Variants in METTL15 observed in about 807,000 individuals in gnomAD.
METTL15 encodes the protein methyltransferase 15, mitochondrial 12S rRNA N4-cytidine.
METTL15 carries 34 observed loss-of-function variants against 38.3 expected under a neutral mutation model. The observed-to-expected ratio is 0.89, with a 90% CI of 0.68 to 1.18. The LOEUF is 1.18. Ranked by LOEUF, METTL15 falls within the 50% of genes most tolerant of loss-of-function variation. METTL15 has a pLI of 0.00. For synonymous variants in METTL15, 162 were observed against 170.9 expected, an observed-to-expected ratio of 0.95 and a Z score of 0.41; for missense variants, 438 against 498.4, an observed-to-expected ratio of 0.88 and a Z score of 1.15.
chr11:28,304,523 C>T (rs73438525), intron 6 of METTL15, among the ~76,000 whole-genome samples: 356 of 152,152 alleles, frequency 2.3e-3, no homozygotes, highest in African/African-American at 8.1e-3. Context: ...CGAAACTGGC[C>T]TGTTCAACAT....
intron 6 of METTL15, among the ~76,000 whole-genome samples, chr11:28,453,791 G>T (rs1428355011): frequency 6.6e-6 from 1 of 152,168 alleles, no homozygotes; most frequent in African/African-American, 2.4e-5. Flanking sequence ...TACTACAGTT[G>T]ACTCTGGGAT....
At chr11:28,400,633 G>A (rs936894895) in intron 5 of METTL15, among the ~76,000 whole-genome samples, 1 of 151,920 alleles carries the variant, frequency 6.6e-6, no homozygotes, top group African/African-American at 2.4e-5. Context: ...TGACATTTCT[G>A]CATTCAGCTT....
At chr11:28,189,460 G>A (rs1851621284) in intron 3 of METTL15, among the ~76,000 whole-genome samples, 1 of 151,178 alleles carries the variant, frequency 6.6e-6, no homozygotes, top group Non-Finnish European at 1.5e-5. Flanking sequence ...AAGGATTTTA[G>A]CTAAAGCACT....
chr11:28,426,117 G>C (rs972696953), intron 6 of METTL15, among the ~76,000 whole-genome samples: 33 of 151,950 alleles, frequency 2.2e-4, no homozygotes, highest in African/African-American at 8.0e-4. Context: ...ACTCTGACAG[G>C]CCTCCAGTGT....
chr11:28,371,371 A>G (rs998274267), intron 5 of METTL15, among the ~76,000 whole-genome samples: 3 of 151,880 alleles, frequency 2.0e-5, no homozygotes, highest in Admixed American at 6.6e-5. Context: ...TACCTATTCT[A>G]TTCCTTTGGT....
intron 4 of METTL15, among the ~76,000 whole-genome samples, chr11:28,218,251 T>C (rs907799142): frequency 6.6e-6 from 1 of 152,180 alleles, no homozygotes; most frequent in East Asian, 1.9e-4. Flanking sequence ...TGGTTTGTAG[T>C]TGTCCTGGAA....
chr11:28,147,914 C>T (rs1290714730), intron 3 of METTL15, among the ~76,000 whole-genome samples: 1 of 151,758 alleles, frequency 6.6e-6, no homozygotes, highest in Non-Finnish European at 1.5e-5. Flanking sequence ...GAGTTTAATG[C>T]TCTATCTAAC....
At chr11:28,436,194 A>C (rs555371119) in intron 6 of METTL15, among the ~76,000 whole-genome samples, 2 of 152,186 alleles carry the variant, frequency 1.3e-5, no homozygotes, top group Non-Finnish European at 1.5e-5. Context: ...ATGGATCGCC[A>C]TTTCTCCAGT....
At chr11:28,335,922 A>G (rs1218359238), downstream of METTL15, among the ~76,000 whole-genome samples, 1 of 152,194 alleles carries the variant, frequency 6.6e-6, no homozygotes, top group East Asian at 1.9e-4. Context: ...AAATGGACTG[A>G]GACATGCATG....
At chr11:28,252,940 T>A (rs1395893321) in intron 4 of METTL15, among the ~76,000 whole-genome samples, 1 of 152,198 alleles carries the variant, frequency 6.6e-6, no homozygotes, top group Non-Finnish European at 1.5e-5. Context: ...TCTGGTCTTC[T>A]GTAACTTCAG....
intron 4 of METTL15, among the ~76,000 whole-genome samples, chr11:28,285,085 C>T (rs1165502729): frequency 6.6e-6 from 1 of 152,100 alleles, no homozygotes; most frequent in Admixed American, 6.6e-5. Flanking sequence ...CTTACTCCGT[C>T]CTCCCTCCCG....
chr11:28,375,581 C>T (rs1185909182), intron 5 of METTL15, among the ~76,000 whole-genome samples: 5 of 151,986 alleles, frequency 3.3e-5, no homozygotes, highest in Non-Finnish European at 5.9e-5. Context: ...GTCTTGCTGG[C>T]AGTCTATCAA....
intron 1 of METTL15, among the ~76,000 whole-genome samples, chr11:28,109,292 G>C (rs996700873): frequency 2.0e-5 from 3 of 152,182 alleles, no homozygotes; most frequent in African/African-American, 4.8e-5. Flanking sequence ...GCTGTATTAC[G>C]TGTATCTTAG....
chr11:28,454,738 T>A (rs1282536503), intron 6 of METTL15, among the ~76,000 whole-genome samples: 1 of 152,214 alleles, frequency 6.6e-6, no homozygotes, highest in Non-Finnish European at 1.5e-5. Flanking sequence ...ATTCTTTCCT[T>A]CTTCTTAAAT....
intron 5 of METTL15, among the ~76,000 whole-genome samples, chr11:28,372,467 T>C (rs1850254751): frequency 6.8e-6 from 1 of 148,146 alleles, no homozygotes; most frequent in East Asian, 1.9e-4. Flanking sequence ...TTTTTTTTTT[T>C]TCTCCATGCC....
chr11:28,363,171 T>G (rs1227590435), intron 5 of METTL15, among the ~76,000 whole-genome samples: 1 of 152,166 alleles, frequency 6.6e-6, no homozygotes, highest in Non-Finnish European at 1.5e-5. Context: ...CTTCTTCTTT[T>G]TTTTATTTTT....
Position 28,430,044 on chromosome 11 carries a change from C to G in METTL15, c.*424+5680C>G, listed in dbSNP as rs1359323867. ...GGATGTGAGGAGCGCCTCTGCCCGG[C>G]CGAGACCCCATCTGGGAGGTGAGGA... On this transcript the variant is annotated intron_variant and NMD_transcript_variant, in intron 6 of 7. Coordinates refer to the METTL15 transcript ENST00000532947. 4.5e-3 allele frequency among the ~76,000 whole-genome samples: 660 copies of G among 145,548 alleles called. 3 individuals carry two copies. Among genetic ancestry groups the G allele is most frequent in the Non-Finnish European group, 8.1e-3 (530 of 65,706 alleles).
chr11:28,404,228 C>G (rs1850655476), intron 5 of METTL15, among the ~76,000 whole-genome samples: 2 of 152,080 alleles, frequency 1.3e-5, no homozygotes, highest in Admixed American at 1.3e-4. Flanking sequence ...GAAATTGTTA[C>G]ACACAGTTCC....
intron 6 of METTL15, among the ~76,000 whole-genome samples, chr11:28,495,124 A>G (rs1351917773): frequency 2.6e-5 from 4 of 152,234 alleles, no homozygotes; most frequent in Admixed American, 2.6e-4. Flanking sequence ...TCAGAGATTC[A>G]AAGTGAAAAC....
Sources: gnomAD v4.1 joint callset for allele counts (sites outside exome capture counted in the v4.1 genomes callset) on GRCh38, gnomAD v4.1.1 for gene constraint, MANE v1.5 for transcripts, NCBI Gene and HGNC (gene_info 2026-07-23, HGNC 2026-07-21) for gene names.